ADORA2B: variants seen among roughly 807,000 people sequenced by gnomAD.
The protein encoded by ADORA2B is adenosine receptor A2b.
ADORA2B carries 18 observed loss-of-function variants against 20.8 expected under a neutral mutation model. That is an observed-to-expected ratio of 0.87 (90% CI 0.60 to 1.29). ADORA2B has a LOEUF of 1.29. Among genes scored for constraint, ADORA2B ranks in the 50% most tolerant of loss-of-function variants. The probability of loss-of-function intolerance (pLI) is 0.00; values close to 1 mark genes in which losing one functional copy is unlikely to be tolerated. For missense variants in ADORA2B, 441 were observed against 422.7 expected, an observed-to-expected ratio of 1.04 and a Z score of -0.38; for synonymous variants, 179 against 178.3, an observed-to-expected ratio of 1.00 and a Z score of -0.03.
At chr17:15,956,680 C>T (rs1411215245) in intron 1 of ADORA2B, among the ~76,000 whole-genome samples, 2 of 139,284 alleles carry the variant, frequency 1.4e-5, no homozygotes, top group East Asian at 2.2e-4. Context: ...ACTGCAACCT[C>T]TGCCTCCTGG....
At chr17:15,876,345 T>C in the ADORA2B span, among the ~76,000 whole-genome samples, 2 of 151,934 alleles carry the variant, frequency 1.3e-5, no homozygotes, top group South Asian at 4.1e-4. Flanking sequence ...CAAAAGCTCA[T>C]AGGAGGTTCA....
At chr17:15,875,370 G>A in the ADORA2B span, among the ~76,000 whole-genome samples, 1 of 152,104 alleles carries the variant, frequency 6.6e-6, no homozygotes, top group African/African-American at 2.4e-5. Context: ...ATCTCCTACT[G>A]TGAAAGATGA....
chr17:15,925,558 G>T, the ADORA2B span, among the ~76,000 whole-genome samples: 2 of 152,192 alleles, frequency 1.3e-5, no homozygotes, highest in Non-Finnish European at 2.9e-5. Flanking sequence ...TGCATGAGAG[G>T]TCTTCCCTTC....
intron 1 of ADORA2B, among the ~76,000 whole-genome samples, chr17:15,969,007 T>C (rs3826361): frequency 0.1 from 15,402 of 152,184 alleles, 1,351 homozygotes; most frequent in African/African-American, 0.23. Flanking sequence ...CTCAAGGAGA[T>C]GCTGGCCCAT....
the ADORA2B span, among the ~76,000 whole-genome samples, chr17:15,883,071 G>C: frequency 6.6e-6 from 1 of 152,200 alleles, no homozygotes; most frequent in African/African-American, 2.4e-5. Flanking sequence ...TTGGGAAAGA[G>C]AAGTAATTTC....
At chr17:15,935,781 G>A in the ADORA2B span, among the ~76,000 whole-genome samples, 1 of 151,124 alleles carries the variant, frequency 6.6e-6, no homozygotes, top group Non-Finnish European at 1.5e-5. Flanking sequence ...CAATTGACCA[G>A]TGCATTCAAG....
chr17:15,898,646 CG>C, the ADORA2B span, among the ~76,000 whole-genome samples: 2 of 151,982 alleles, frequency 1.3e-5, no homozygotes, highest in Non-Finnish European at 2.9e-5. Context: ...GGATTACAGG[CG>C]TGAGCCACTG....
At chr17:15,855,489 G>T in the ADORA2B span, among the ~76,000 whole-genome samples, 2 of 152,062 alleles carry the variant, frequency 1.3e-5, no homozygotes, top group Admixed American at 1.3e-4. Context: ...ATGGAATCCT[G>T]TGATAACATT....
chr17:15,939,829 C>T, the ADORA2B span, among the ~76,000 whole-genome samples: 2 of 137,714 alleles, frequency 1.5e-5, no homozygotes, highest in African/African-American at 5.5e-5. Context: ...CACTGCACTC[C>T]AGCCTGGGTA....
chr17:15,943,096 C>T (rs760329359), upstream of ADORA2B, among the ~76,000 whole-genome samples: 1 of 152,180 alleles, frequency 6.6e-6, no homozygotes. Context: ...CCAGAACTCA[C>T]GTGACCAGGA....
chr17:15,950,711 T>A (rs565967891), intron 1 of ADORA2B, among the ~76,000 whole-genome samples: 2 of 152,310 alleles, frequency 1.3e-5, no homozygotes, highest in South Asian at 4.1e-4. Context: ...CTTACCACGC[T>A]GCAGAGACAC....
At chr17:15,935,891 G>A in the ADORA2B span, among the ~76,000 whole-genome samples, 2 of 133,846 alleles carry the variant, frequency 1.5e-5, no homozygotes, top group African/African-American at 3.0e-5. Context: ...TTTTGAGATC[G>A]AGTCTCGCTC....
the ADORA2B span, among the ~76,000 whole-genome samples, chr17:15,883,652 C>CGTATGGTAGAGGGACACAGTCACACGTGT: frequency 6.6e-6 from 1 of 152,108 alleles, no homozygotes; most frequent in African/African-American, 2.4e-5. Context: ...GGGCACATGC[C>CGTATGGTAGAGGGACACAGTCACACGTGT]GTATGGTAGA....
intron 1 of ADORA2B, among the ~76,000 whole-genome samples, chr17:15,948,943 C>T (rs1351124123): frequency 6.6e-6 from 1 of 152,136 alleles, no homozygotes; most frequent in Non-Finnish European, 1.5e-5. Context: ...CACGGTGGCT[C>T]ACGCCTGTAA....
chr17:15,884,509 T>C, the ADORA2B span, among the ~76,000 whole-genome samples: 12 of 152,324 alleles, frequency 7.9e-5, no homozygotes, highest in African/African-American at 2.9e-4. Flanking sequence ...AAATCACCCA[T>C]CTTAATTCTT....
At chr17:15,894,046 C>G in the ADORA2B span, among the ~76,000 whole-genome samples, 3 of 152,176 alleles carry the variant, frequency 2.0e-5, no homozygotes, top group Admixed American at 6.6e-5. Context: ...GTTTGTCAAC[C>G]CCTGACCTAG....
At chr17:15,917,176 C>T in the ADORA2B span, among the ~76,000 whole-genome samples, 2 of 152,228 alleles carry the variant, frequency 1.3e-5, no homozygotes, top group East Asian at 1.9e-4. Flanking sequence ...GGCGTGGTGG[C>T]GCCTGTGGTC....
At chr17:15,897,259 A>G in the ADORA2B span, among the ~76,000 whole-genome samples, 1 of 152,140 alleles carries the variant, frequency 6.6e-6, no homozygotes, top group Non-Finnish European at 1.5e-5. Context: ...AAGCAAAGAC[A>G]AGATAGGTAA....
intron 1 of ADORA2B, among the ~76,000 whole-genome samples, chr17:15,948,161 G>T (rs983686163): frequency 1.3e-5 from 2 of 149,952 alleles, no homozygotes; most frequent in Non-Finnish European, 3.0e-5. Flanking sequence ...CGGTTCGAGG[G>T]CTCCAAGTGT....
Sources: gnomAD v4.1 joint callset for allele counts (sites outside exome capture counted in the v4.1 genomes callset) on GRCh38, gnomAD v4.1.1 for gene constraint, MANE v1.5 for transcripts, NCBI Gene and HGNC (gene_info 2026-07-23, HGNC 2026-07-21) for gene names.